The following BNC2 variants were observed in gnomAD, a reference collection of about 807,000 sequenced individuals.
BNC2 encodes the protein basonuclin zinc finger protein 2, also known as zinc finger protein basonuclin-2.
Under a neutral mutation model 76.3 loss-of-function variants are expected in BNC2, and 20 were observed. The observed-to-expected ratio is 0.26, with a 90% CI of 0.18 to 0.38. BNC2 has a LOEUF of 0.38. BNC2 is among the 10% of genes least tolerant of loss of function. The pLI is 1.00. For synonymous variants in BNC2, 582 were observed against 514.8 expected (o/e 1.13, Z -1.77); for missense variants, 1,382 against 1,399.8 (o/e 0.99, Z 0.20).
chr9:16,533,379 C>T (rs10810575), intron 5 of BNC2, among the ~76,000 whole-genome samples: 6,871 of 152,116 alleles, frequency 0.045, 273 homozygotes, highest in East Asian at 0.2. Context: ...CTAGCCATTA[C>T]AAATCTGTGT....
chr9:16,523,188 C>A (rs1817674518), intron 5 of BNC2, among the ~76,000 whole-genome samples: 1 of 152,102 alleles, frequency 6.6e-6, no homozygotes, highest in Non-Finnish European at 1.5e-5. Context: ...AATAAAACAA[C>A]TGGCCGGACG....
chr9:16,524,863 C>G (rs1817743533), intron 5 of BNC2, among the ~76,000 whole-genome samples: 1 of 152,112 alleles, frequency 6.6e-6, no homozygotes, highest in African/African-American at 2.4e-5. Flanking sequence ...CATTTGAGGC[C>G]AGGAGTTCAA....
At chr9:16,522,861 C>A (rs1205553667) in intron 5 of BNC2, among the ~76,000 whole-genome samples, 1 of 152,100 alleles carries the variant, frequency 6.6e-6, no homozygotes, top group Non-Finnish European at 1.5e-5. Flanking sequence ...ATCAAAACCA[C>A]CACTCTGTTT....
intron 5 of BNC2, among the ~76,000 whole-genome samples, chr9:16,549,602 T>C (rs367561010): frequency 2.3e-4 from 35 of 152,322 alleles, no homozygotes; most frequent in African/African-American, 7.9e-4. Flanking sequence ...CACCTTATCA[T>C]TACCACATAC....
intron 5 of BNC2, among the ~76,000 whole-genome samples, chr9:16,538,503 T>G (rs889754151): frequency 6.6e-6 from 1 of 152,184 alleles, no homozygotes; most frequent in Non-Finnish European, 1.5e-5. Flanking sequence ...TCTAAAATGA[T>G]CCTGATGGGG....
At chr9:16,694,173 G>A (rs1269084301) in intron 3 of BNC2, among the ~76,000 whole-genome samples, 1 of 152,058 alleles carries the variant, frequency 6.6e-6, no homozygotes, top group East Asian at 1.9e-4. Flanking sequence ...TTCCTCCCTT[G>A]CTAAACAACA....
intron 6 of BNC2, chr9:16,421,290 C>A: frequency 7.7e-7 from 1 of 1,299,116 alleles, no homozygotes; most frequent in South Asian, 1.2e-5. Context: ...GCTTTCTAAT[C>A]TTTTGCTAAA....
intron 5 of BNC2, among the ~76,000 whole-genome samples, chr9:16,546,495 A>G (rs1450345658): frequency 2.0e-5 from 3 of 152,216 alleles, no homozygotes; most frequent in African/African-American, 7.2e-5. Flanking sequence ...ATGCTCAACT[A>G]CAAAAGGTAT....
At chr9:16,848,863 C>A (rs1374850769) in intron 1 of BNC2, among the ~76,000 whole-genome samples, 1 of 152,128 alleles carries the variant, frequency 6.6e-6, no homozygotes, top group Non-Finnish European at 1.5e-5. Flanking sequence ...CTGATGTCCA[C>A]GTACACAAAC....
chr9:16,862,678 A>T (rs561676533), intron 1 of BNC2, among the ~76,000 whole-genome samples: 2 of 152,168 alleles, frequency 1.3e-5, no homozygotes, highest in African/African-American at 4.8e-5. Context: ...ACCACACAGC[A>T]CTAACCTATT....
At chr9:16,593,961 G>A (rs1177944843) in intron 3 of BNC2, among the ~76,000 whole-genome samples, 1 of 151,930 alleles carries the variant, frequency 6.6e-6, no homozygotes, top group Non-Finnish European at 1.5e-5. Context: ...CAGCAATTTT[G>A]TATTCCATTG....
At chr9:16,579,988 T>C in intron 4 of BNC2, 1 of 397,652 alleles carries the variant, frequency 2.5e-6, no homozygotes. Flanking sequence ...TTGGTAGTTT[T>C]GTTGCTGTTC....
At chr9:16,560,866 A>G (rs1229941297) in intron 4 of BNC2, among the ~76,000 whole-genome samples, 1 of 152,256 alleles carries the variant, frequency 6.6e-6, no homozygotes, top group Admixed American at 6.5e-5. Flanking sequence ...AAGCTGGTGA[A>G]GGTACTGGAT....
chr9:16,849,973 G>A lies in BNC2; in HGVS notation c.3+20673C>T, dbSNP rs544214987. 1.3e-4 allele frequency among the ~76,000 whole-genome samples: 20 copies of A among 152,174 alleles called. No individual in the cohort carries two copies. In the South Asian group the frequency reaches 1.9e-3, roughly 14 times the overall value. ...CAAATTTGTACTTCACTAGCTTTCT[G>A]ATTTCTAATGTCACTAGTATTTGTT... On this transcript the variant is annotated intron_variant, in intron 1 of 6. Transcript: ENST00000380672.
chr9:16,667,188 A>C (rs1467378555), intron 3 of BNC2, among the ~76,000 whole-genome samples: 2 of 152,166 alleles, frequency 1.3e-5, no homozygotes, highest in Non-Finnish European at 2.9e-5. Context: ...AATGGTAATG[A>C]GATGTGATGA....
intron 5 of BNC2, among the ~76,000 whole-genome samples, chr9:16,549,181 C>A (rs1258042854): frequency 6.6e-6 from 1 of 152,170 alleles, no homozygotes; most frequent in Non-Finnish European, 1.5e-5. Flanking sequence ...TTAAAGGTAT[C>A]TCAGAAGGCA....
intron 5 of BNC2, among the ~76,000 whole-genome samples, chr9:16,448,239 G>C (rs1321241514): frequency 1.3e-5 from 2 of 152,068 alleles, no homozygotes; most frequent in Non-Finnish European, 2.9e-5. Flanking sequence ...TTTGTAGATA[G>C]TTGAGGCTTT....
chr9:16,596,049 T>C (rs555468583), intron 3 of BNC2, among the ~76,000 whole-genome samples: 1 of 152,228 alleles, frequency 6.6e-6, no homozygotes, highest in African/African-American at 2.4e-5. Flanking sequence ...AAGAAGGATT[T>C]ACTTGATAGA....
chr9:16,652,559 A>T (rs1422386344), intron 3 of BNC2, among the ~76,000 whole-genome samples: 1 of 152,226 alleles, frequency 6.6e-6, no homozygotes, highest in Non-Finnish European at 1.5e-5. Context: ...ATATAGTATT[A>T]CACACATTGA....
Sources: allele counts gnomAD v4.1 joint callset (sites outside exome capture counted in the v4.1 genomes callset), GRCh38; gene constraint gnomAD v4.1.1; transcripts MANE v1.5; gene names NCBI Gene and HGNC (gene_info 2026-07-23, HGNC 2026-07-21).